CSMD3: variants seen among roughly 807,000 people sequenced by gnomAD.
CSMD3 encodes CUB and Sushi multiple domains 3.
CSMD3 carries 177 observed loss-of-function variants against 435.2 expected under a neutral mutation model. That is an observed-to-expected ratio of 0.41 (90% CI 0.36 to 0.46). The LOEUF is 0.46. Among genes scored for constraint, CSMD3 ranks in the 20% least tolerant of loss-of-function variants. The pLI is 0.34. For synonymous variants in CSMD3, 1,656 were observed against 1,520.5 expected (o/e 1.09, Z -2.07); for missense variants, 4,265 against 4,504.6 (o/e 0.95, Z 1.52).
chr8:112,501,491 T>A (rs73328675), intron 30 of CSMD3, among the ~76,000 whole-genome samples: 6,746 of 151,508 alleles, frequency 0.045, 200 homozygotes, highest in South Asian at 0.12. Flanking sequence ...AAAATGACAA[T>A]GAGATATCAT....
At chr8:113,000,697 T>C (rs924546634) in intron 6 of CSMD3, among the ~76,000 whole-genome samples, 11 of 152,080 alleles carry the variant, frequency 7.2e-5, no homozygotes, top group Non-Finnish European at 1.3e-4. Context: ...GCTTAATCTT[T>C]GGTTGTATTT....
intron 21 of CSMD3, among the ~76,000 whole-genome samples, chr8:112,638,398 G>C (rs2074724316): frequency 1.3e-5 from 2 of 150,752 alleles, no homozygotes; most frequent in Admixed American, 6.6e-5. Flanking sequence ...ATTTTAGCTA[G>C]TTTTGACCTT....
At chr8:112,897,690 C>CTGTGTG (rs1278209640) in intron 10 of CSMD3, among the ~76,000 whole-genome samples, 3 of 125,158 alleles carry the variant, frequency 2.4e-5, no homozygotes, top group African/African-American at 9.2e-5. Context: ...CTCTCTCTCT[C>CTGTGTG]TCTCTGTGTG....
At chr8:112,418,912 A>G (rs1812188076) in intron 32 of CSMD3, among the ~76,000 whole-genome samples, 1 of 152,174 alleles carries the variant, frequency 6.6e-6, no homozygotes, top group Non-Finnish European at 1.5e-5. Flanking sequence ...ATTGTATAAA[A>G]TTACCTTAGG....
intron 32 of CSMD3, among the ~76,000 whole-genome samples, chr8:112,409,675 C>T (rs1832166299): frequency 6.6e-6 from 1 of 151,906 alleles, no homozygotes. Context: ...AATAATTGCT[C>T]TTCCATGGTA....
At chr8:113,383,538 A>G (rs2094426460) in intron 1 of CSMD3, among the ~76,000 whole-genome samples, 1 of 152,168 alleles carries the variant, frequency 6.6e-6, no homozygotes, top group African/African-American at 2.4e-5. Flanking sequence ...ATAGGAGCAC[A>G]ATTCAGAAAG....
chr8:112,347,671 G>A (rs563255621), intron 40 of CSMD3, among the ~76,000 whole-genome samples: 14 of 152,124 alleles, frequency 9.2e-5, no homozygotes, highest in East Asian at 7.7e-4. Flanking sequence ...CTGAAATCTC[G>A]TTAATTCACC....
intron 58 of CSMD3, among the ~76,000 whole-genome samples, chr8:112,286,837 T>C (rs541956065): frequency 1.3e-5 from 2 of 152,130 alleles, no homozygotes; most frequent in Non-Finnish European, 2.9e-5. Flanking sequence ...TTTGCTATGT[T>C]GTGAACAATG....
chr8:112,409,844 G>T (rs1046408609), intron 32 of CSMD3, among the ~76,000 whole-genome samples: 2 of 149,570 alleles, frequency 1.3e-5, no homozygotes, highest in Admixed American at 1.3e-4. Flanking sequence ...TTTGCTTTGT[G>T]TTTTTTTTTC....
At chr8:113,303,025 C>A (rs1263171705) in intron 2 of CSMD3, among the ~76,000 whole-genome samples, 1 of 78,764 alleles carries the variant, frequency 1.3e-5, no homozygotes, top group Non-Finnish European at 2.4e-5. Context: ...TCATCTCAGC[C>A]CAAAATGTCC....
chr8:113,223,274 C>T (rs1005003011), intron 3 of CSMD3, among the ~76,000 whole-genome samples: 4 of 150,430 alleles, frequency 2.7e-5, no homozygotes, highest in African/African-American at 9.7e-5. Context: ...ATGAAATTTA[C>T]TATAAATTAA....
At chr8:112,800,037 T>A (rs2078924561) in intron 13 of CSMD3, 125 bp downstream of exon 13, 2 of 689,816 alleles carry the variant, frequency 2.9e-6, no homozygotes, top group Admixed American at 2.1e-5. Context: ...GAGGAAATGA[T>A]CTTTGTTGAA....
chr8:112,630,597 G>T (rs901475302), intron 22 of CSMD3, among the ~76,000 whole-genome samples: 1 of 152,046 alleles, frequency 6.6e-6, no homozygotes, highest in Non-Finnish European at 1.5e-5. Context: ...CTAGGACAAA[G>T]GAAGTGAGAA....
rs186601536 is a variant in CSMD3 at position 112,815,589 on chromosome 8, C to T, written c.1859+14097G>A. 3.0e-3 allele frequency among the ~76,000 whole-genome samples: 462 copies of T among 152,234 alleles called. 1 individual carries two copies. Among genetic ancestry groups the T allele is most frequent in the Non-Finnish European group, 4.9e-3 (331 of 68,000 alleles). On this transcript the variant is annotated intron_variant, in intron 12 of 70. Transcript: ENST00000297405. ...TATTTTCCCCTAATTTCTTCTTCTA[C>T]AGCCACCTTTGAAATGCCTGCTACA...
chr8:112,593,618 A>T (rs1183899905), intron 22 of CSMD3, among the ~76,000 whole-genome samples: 1 of 151,294 alleles, frequency 6.6e-6, no homozygotes, highest in Non-Finnish European at 1.5e-5. Flanking sequence ...GAATACACAC[A>T]TATATATGTA....
intron 13 of CSMD3, among the ~76,000 whole-genome samples, chr8:112,746,185 C>T (rs1230202831): frequency 6.6e-6 from 1 of 152,162 alleles, no homozygotes; most frequent in African/African-American, 2.4e-5. Flanking sequence ...ACGCTTTTGG[C>T]TATTTTTTTC....
chr8:112,548,012 C>T (rs1172166134), intron 27 of CSMD3, among the ~76,000 whole-genome samples: 2 of 152,054 alleles, frequency 1.3e-5, no homozygotes, highest in Admixed American at 1.3e-4. Flanking sequence ...CAAACATGAT[C>T]CCACGAGCCA....
intron 18 of CSMD3, among the ~76,000 whole-genome samples, chr8:112,651,153 A>G (rs544377221): frequency 6.6e-6 from 1 of 152,318 alleles, no homozygotes; most frequent in South Asian, 2.1e-4. Context: ...CCACTGGTAC[A>G]AACTATAACA....
intron 5 of CSMD3, among the ~76,000 whole-genome samples, chr8:113,093,472 G>A (rs2090069305): frequency 6.6e-6 from 1 of 152,134 alleles, no homozygotes; most frequent in Non-Finnish European, 1.5e-5. Flanking sequence ...AAATGTTGCA[G>A]ATAAATCAAG....
Sources: allele counts gnomAD v4.1 joint callset (sites outside exome capture counted in the v4.1 genomes callset), GRCh38; gene constraint gnomAD v4.1.1; transcripts MANE v1.5; gene names NCBI Gene and HGNC (gene_info 2026-07-23, HGNC 2026-07-21).